PKD1L1: variants seen among roughly 807,000 people sequenced by gnomAD.
The protein encoded by PKD1L1 is polycystin-1-like protein 1.
PKD1L1 carries 236 observed loss-of-function variants against 323.4 expected under a neutral mutation model. The observed-to-expected ratio is 0.73, with a 90% CI of 0.66 to 0.81. PKD1L1 has a LOEUF of 0.81. Among genes scored for constraint, PKD1L1 ranks in the 40% least tolerant of loss-of-function variants. The pLI, the probability that PKD1L1 is intolerant of heterozygous loss-of-function variation, is 0.00. For synonymous variants in PKD1L1, 1,344 were observed against 1,335.0 expected (o/e 1.01, Z -0.15); for missense variants, 3,320 against 3,508.0 (o/e 0.95, Z 1.35).
intron 21 of PKD1L1, among the ~76,000 whole-genome samples, chr7:47,878,173 A>G (rs1474279850): frequency 6.6e-6 from 1 of 152,224 alleles, no homozygotes; most frequent in Non-Finnish European, 1.5e-5. Flanking sequence ...TTTATTAACT[A>G]TATTAATATC....
At chr7:47,780,372 C>T (rs1386498633) in intron 56 of PKD1L1, among the ~76,000 whole-genome samples, 2 of 152,144 alleles carry the variant, frequency 1.3e-5, no homozygotes, top group African/African-American at 4.8e-5. Flanking sequence ...TGGCTCATGC[C>T]TGTAATCCCA....
At chr7:47,790,222 T>C (rs1212482132) in intron 56 of PKD1L1, among the ~76,000 whole-genome samples, 1 of 152,050 alleles carries the variant, frequency 6.6e-6, no homozygotes, top group East Asian at 1.9e-4. Flanking sequence ...AATTGGTCAT[T>C]ATATTTTCTT....
intron 43 of PKD1L1, among the ~76,000 whole-genome samples, 162 bp downstream of exon 43, chr7:47,829,878 G>A (rs1785309391): frequency 6.6e-6 from 1 of 152,236 alleles, no homozygotes; most frequent in South Asian, 2.1e-4. Context: ...ACAGGCCCAT[G>A]TGCAGCTTAG....
At chr7:47,938,264 C>A (rs1787909665) in intron 3 of PKD1L1, among the ~76,000 whole-genome samples, 1 of 152,142 alleles carries the variant, frequency 6.6e-6, no homozygotes, top group South Asian at 2.1e-4. Flanking sequence ...TTCAGGAGAA[C>A]AACACAGGAA....
intron 49 of PKD1L1, 94 bp from the exon 50 acceptor site, chr7:47,812,145 C>A (rs1784913196): frequency 9.5e-7 from 1 of 1,049,756 alleles, no homozygotes. Context: ...GCTGGGAACA[C>A]CCTATGCTAG....
At chr7:47,851,774 A>G (rs1419555085) in intron 31 of PKD1L1, among the ~76,000 whole-genome samples, 1 of 152,192 alleles carries the variant, frequency 6.6e-6, no homozygotes, top group Non-Finnish European at 1.5e-5. Flanking sequence ...ACAGTCAGGC[A>G]ATTTCCTGAA....
At chr7:47,921,674 GATAT>G (rs34123411) in intron 7 of PKD1L1, among the ~76,000 whole-genome samples, 7 of 138,782 alleles carry the variant, frequency 5.0e-5, no homozygotes, top group Non-Finnish European at 8.9e-5. Context: ...AAGAAACTGT[GATAT>G]ATATATATAT....
At chr7:47,886,600 G>T (rs74771340) in intron 17 of PKD1L1, among the ~76,000 whole-genome samples, 6,799 of 152,094 alleles carry the variant, frequency 0.045, 358 homozygotes, top group African/African-American at 0.13. Context: ...CTCTGAGTTC[G>T]TGGGAAGTCT....
At chr7:47,838,876 CA>C (rs57858359) in intron 36 of PKD1L1, among the ~76,000 whole-genome samples, 15,516 of 84,892 alleles carry the variant, frequency 0.18, 429 homozygotes, top group East Asian at 0.39. Context: ...GACTCCATCT[CA>C]AAAAAAAAAA....
chr7:47,860,536 C>T (rs2128742747), intron 26 of PKD1L1, among the ~76,000 whole-genome samples: 1 of 152,270 alleles, frequency 6.6e-6, no homozygotes, highest in South Asian at 2.1e-4. Context: ...CTAGTTCTTC[C>T]ACCACAATAA....
At chr7:47,848,225 T>G (rs1463899676) in intron 31 of PKD1L1, among the ~76,000 whole-genome samples, 1 of 152,082 alleles carries the variant, frequency 6.6e-6, no homozygotes, top group Non-Finnish European at 1.5e-5. Flanking sequence ...GAATTAAACT[T>G]GAAGATACAC....
At chr7:47,784,617 C>T (rs894348775) in intron 56 of PKD1L1, among the ~76,000 whole-genome samples, 1 of 152,134 alleles carries the variant, frequency 6.6e-6, no homozygotes, top group East Asian at 1.9e-4. Context: ...GGATTACAGG[C>T]GCCCACCATT....
intron 52 of PKD1L1, 23 bp from the exon 53 acceptor site, chr7:47,803,367 T>A (rs780445852): frequency 6.2e-7 from 1 of 1,612,266 alleles, no homozygotes; most frequent in South Asian, 1.1e-5. Flanking sequence ...AACATAACAG[T>A]CAGTGTGCCA....
chr7:47,939,206 G>A (rs1050706389), intron 3 of PKD1L1, among the ~76,000 whole-genome samples: 1 of 152,172 alleles, frequency 6.6e-6, no homozygotes, highest in African/African-American at 2.4e-5. Context: ...GCAGAGCAGA[G>A]AAAAGCTCCC....
At position 47,908,214 on chromosome 7, in the gene PKD1L1, T is replaced by G; in HGVS notation, c.1265A>C (p.Glu422Ala). The G allele has an allele frequency of 6.2e-7, 1 of 1,614,208 alleles. No individual in the cohort carries two copies. Among genetic ancestry groups the G allele is most frequent in the Non-Finnish European group, 8.5e-7 (1 of 1,180,018 alleles). ...AAGCTCCACTTCGGTTCCATGAAAC[T>G]CGTTATAAATAACAGCCTTGAGCAT... ...VYMLKAVIYNEFHGTEVELGP... is the reference protein window; with the variant it reads ...VYMLKAVIYNAFHGTEVELGP... The change falls in exon 9 of 57, where the codon GAG (glutamate) becomes GCG (alanine). Residue 422 changes from glutamate (E) to alanine (A), a missense_variant. Transcript: ENST00000289672.
chr7:47,916,699 G>A (rs1028572649), intron 7 of PKD1L1, among the ~76,000 whole-genome samples: 11 of 152,168 alleles, frequency 7.2e-5, no homozygotes, highest in Admixed American at 6.6e-4. Flanking sequence ...TGGTAGACTC[G>A]CTGGGTGGCT....
chr7:47,829,979 C>T (rs1785311021), intron 43 of PKD1L1, 61 bp downstream of exon 43: 1 of 1,471,958 alleles, frequency 6.8e-7, no homozygotes, highest in Admixed American at 1.7e-5. Context: ...CCTCTATTTC[C>T]CCTTCCCATC....
At chr7:47,901,738 C>T (rs1787094098) in intron 13 of PKD1L1, among the ~76,000 whole-genome samples, 1 of 152,214 alleles carries the variant, frequency 6.6e-6, no homozygotes, top group Admixed American at 6.5e-5. Flanking sequence ...TGCGGGCTGA[C>T]CTCTTGGGGT....
At position 47,890,652 on chromosome 7, in the gene PKD1L1, C is replaced by G. The variant is rs773698549; in HGVS notation, c.2565G>C (p.Trp855Cys). The G allele has an allele frequency of 6.2e-7, 1 of 1,614,128 alleles. No individual in the cohort carries two copies. Among genetic ancestry groups the G allele is most frequent in the Non-Finnish European group, 8.5e-7 (1 of 1,180,024 alleles). The change falls in exon 16 of 57, where the codon TGG becomes TGC. Residue 855 changes from tryptophan (W) to cysteine (C), a missense_variant. Coordinates refer to ENST00000289672, the MANE Select transcript of PKD1L1 (RefSeq NM_138295.5). ...AAPTVSFEAQ[W>C]LSDSYDQFLV... ...GGAACTGATCATAGCTGTCACTGAG[C>G]CATTGTGCCTCAAAGGAAACAGTGG...
Sources: gnomAD v4.1 joint callset for allele counts (sites outside exome capture counted in the v4.1 genomes callset) on GRCh38, gnomAD v4.1.1 for gene constraint, MANE v1.5 for transcripts, NCBI Gene and HGNC (gene_info 2026-07-23, HGNC 2026-07-21) for gene names.